Variants in KCNC1 observed in about 807,000 individuals in gnomAD.
KCNC1 encodes the protein potassium voltage-gated channel subfamily C member 1, also known as voltage-gated potassium channel KCNC1.
A neutral mutation model predicts 43.4 loss-of-function variants in KCNC1; 8 were observed. That is an observed-to-expected ratio of 0.18 (90% CI 0.11 to 0.33). KCNC1 has a LOEUF of 0.33. Among genes scored for constraint, KCNC1 ranks in the 10% least tolerant of loss-of-function variants. The pLI is 1.00. For missense variants in KCNC1, 420 were observed against 836.0 expected, an observed-to-expected ratio of 0.50 and a Z score of 6.14; for synonymous variants, 361 against 360.5, an observed-to-expected ratio of 1.00 and a Z score of -0.01.
intron 1 of KCNC1, among the ~76,000 whole-genome samples, chr11:17,768,615 G>GGT (rs1554991042): frequency 8.3e-6 from 1 of 119,818 alleles, no homozygotes; most frequent in African/African-American, 2.9e-5. Flanking sequence ...ATGTTGGTGG[G>GGT]GGGGGGGGCG....
In KCNC1 at chr11:17,777,008, C is replaced by G; in HGVS notation, c.1505-2448C>G. ...GAGAAGCAGTAGGCCCTAGGGGTGT[C>G]CCGGGAATCCCCCAGGAGGGAAAGG... On this transcript the variant is annotated intron_variant, in intron 2 of 3. Coordinates refer to ENST00000265969, the MANE Select transcript of KCNC1 (RefSeq NM_001112741.2). The surrounding 1 kb of genome is among the most constrained non-coding windows in gnomAD (Gnocchi z 4.3). 1.0e-6 allele frequency: 1 copy of G among 985,412 alleles called. No homozygotes were observed. The highest frequency in any genetic ancestry group is 1.2e-6 in the Non-Finnish European group (1 of 829,956). The allele number at this position is 985,412 out of a possible 1,614,324, so 61.0% of individuals were successfully genotyped here. A position where few individuals can be genotyped will look rare whatever the true frequency, so the allele number is the denominator to read the frequency against.
Position 17,776,260 on chromosome 11 carries a change from C to A in KCNC1, c.1505-3196C>A. ...TTTTGTTGCATGACTTGTGCCGGTT[C>A]TCGTGATTGTTCCCTGCTCGTGTCT... On this transcript the variant is annotated intron_variant, in intron 2 of 3. Coordinates refer to ENST00000265969, the MANE Select transcript of KCNC1 (RefSeq NM_001112741.2). The surrounding 1 kb of genome is among the most constrained non-coding windows in gnomAD (Gnocchi z 4.4). The A allele has an allele frequency of 6.1e-6, 6 of 985,398 alleles. No homozygotes were observed. Among genetic ancestry groups the A allele is most frequent in the Non-Finnish European group, 7.2e-6 (6 of 829,988 alleles). The allele number at this position is 985,398 out of a possible 1,614,324, so 61.0% of individuals were successfully genotyped here.
chr11:17,781,600 A>G lies in KCNC1; in HGVS notation c.1694-70A>G, dbSNP rs1849347434. 2.8e-6 allele frequency: 3 copies of G among 1,082,448 alleles called. No homozygotes were observed. The highest frequency in any genetic ancestry group is 2.8e-6 in the Non-Finnish European group (2 of 724,950). 67.1% of individuals were successfully genotyped at this position (1,082,448 alleles called of 1,614,324 possible). On this transcript the variant is annotated intron_variant, in intron 3 of 3. Transcript: ENST00000265969. The surrounding 1 kb of genome is among the most constrained non-coding windows in gnomAD (Gnocchi z 5.1). The stretch of plus-strand genomic sequence containing the variant: ...CTGTCTTTCCTCCTCCTTCTTAAAA[A>G]CTAAGTACCAAGCGGGATGGGAGAG...
chr11:17,740,218 C>T (rs1848822616), intron 1 of KCNC1, among the ~76,000 whole-genome samples: 1 of 152,132 alleles, frequency 6.6e-6, no homozygotes, highest in African/African-American at 2.4e-5. Context: ...TTCCTGTGCT[C>T]TGGGCATCAG....
rs538563396 is a variant in KCNC1, at chr11:17,739,035, C to T, written c.570+2463C>T. 1.9e-3 allele frequency among the ~76,000 whole-genome samples: 296 copies of T among 152,352 alleles called. 4 individuals are homozygous for T. Among genetic ancestry groups the T allele is most frequent in the African/African-American group, 5.7e-3 (235 of 41,586 alleles). On this transcript the variant is annotated intron_variant, in intron 1 of 3. Transcript: ENST00000265969. This position sits in a 1 kb window ranked among gnomAD's most constrained non-coding sequence, Gnocchi z 4.2. ...GAACCCCAGCTTCCTGCCGCCCGCC[C>T]GGCTGGCCTAGCTGCACTGCGCTGC...
At chr11:17,756,149 A>G (rs1021130770) in intron 1 of KCNC1, among the ~76,000 whole-genome samples, 45 of 151,988 alleles carry the variant, frequency 3.0e-4, no homozygotes, top group Non-Finnish European at 5.7e-4. Flanking sequence ...TGCACCTTGC[A>G]TTTCCCTAGT....
intron 1 of KCNC1, among the ~76,000 whole-genome samples, chr11:17,738,556 C>CAGTG (rs368192818): frequency 6.6e-5 from 10 of 152,202 alleles, no homozygotes; most frequent in African/African-American, 1.9e-4. Context: ...GGGCTCTGAT[C>CAGTG]AGTGTCCTGA....
rs1369129370 is a variant in KCNC1, at chr11:17,735,838, G to T, written c.-165G>T. ...GGCACCCGACAAAGCGCCCGGAGAGGCTTGGCTCGCTCGTTGGGGTGGCCA... is the reference window on the plus strand; with the variant it reads ...GGCACCCGACAAAGCGCCCGGAGAGTCTTGGCTCGCTCGTTGGGGTGGCCA... On this transcript the variant is annotated 5_prime_UTR_variant, in exon 1 of 4. Transcript: ENST00000265969. The surrounding 1 kb of genome is among the most constrained non-coding windows in gnomAD (Gnocchi z 6.7). 1 of 744,998 alleles carries T rather than the reference G, an allele frequency of 1.3e-6. No homozygotes were observed. Among genetic ancestry groups the T allele is most frequent in the Non-Finnish European group, 2.0e-6 (1 of 505,848 alleles). 46.1% of individuals were successfully genotyped at this position (744,998 alleles called of 1,614,324 possible).
rs1164747612 is a variant in KCNC1, at chr11:17,779,437, T to TC, written c.1505-18dup. On this transcript the variant is annotated intron_variant, in intron 2 of 3. Transcript: ENST00000265969. This position sits in a 1 kb window ranked among gnomAD's most constrained non-coding sequence, Gnocchi z 7.2. ...AACAGTTTTCAGTGTCTCAATAGCT[T>TC]CTGCTTATATGTTTGAAGATTCCAA... The TC allele has an allele frequency of 6.6e-7, 1 of 1,510,530 alleles. No homozygotes were observed. The highest frequency in any genetic ancestry group is 1.3e-5 in the South Asian group (1 of 78,580). 93.6% of individuals were successfully genotyped at this position (1,510,530 alleles called of 1,614,324 possible).
intron 1 of KCNC1, among the ~76,000 whole-genome samples, chr11:17,747,917 C>A (rs1452653920): frequency 1.3e-5 from 2 of 152,184 alleles, no homozygotes; most frequent in African/African-American, 2.4e-5. Context: ...GCTCACAACT[C>A]CTCTCCCCAC....
chr11:17,772,617 G>A lies in KCNC1; in HGVS notation c.1504+19G>A. 1 of 1,607,620 alleles carries A rather than the reference G, an allele frequency of 6.2e-7. No homozygotes were observed. The highest frequency in any genetic ancestry group is 8.5e-7 in the Non-Finnish European group (1 of 1,175,884). The stretch of plus-strand genomic sequence containing the variant: ...AGAGCAGGTAGGAAACCTCTTAGAG[G>A]CATGTCGATCTGACCTTTCACCTCT... On this transcript the variant is annotated intron_variant, in intron 2 of 3. Transcript: ENST00000265969.
rs1355017621 is a variant in KCNC1 at position 17,782,728 on chromosome 11, T to C, written c.*994T>C. On this transcript the variant is annotated 3_prime_UTR_variant, in exon 4 of 4. Coordinates refer to ENST00000265969, the MANE Select transcript of KCNC1 (RefSeq NM_001112741.2). ...CTAGCATGAAATAAATTTTGTATCA[T>C]GGTTTCTGTATAGTCTAAAGCAGAT... The C allele has an allele frequency of 6.6e-6, 1 of 152,238 alleles. No homozygotes were observed. The highest frequency in any genetic ancestry group is 1.5e-5 in the Non-Finnish European group (1 of 68,044). The allele number at this position is 152,238 out of a possible 1,614,324, so 9.4% of individuals were successfully genotyped here. A position where few individuals can be genotyped will look rare whatever the true frequency, so the allele number is the denominator to read the frequency against.
At position 17,739,129 on chromosome 11, in the gene KCNC1, C is replaced by G. The variant is rs995577483; in HGVS notation, c.570+2557C>G. On this transcript the variant is annotated intron_variant, in intron 1 of 3. Coordinates refer to ENST00000265969, the MANE Select transcript of KCNC1 (RefSeq NM_001112741.2). The surrounding 1 kb of genome is among the most constrained non-coding windows in gnomAD (Gnocchi z 4.2). ...CTCCTCCCCCTCTGTCTTTGCTCTG[C>G]CGCCTCTGCTGTCACCTTTGTTTAC... Among the ~76,000 whole-genome samples, 2 of 152,122 alleles carry G rather than the reference C, an allele frequency of 1.3e-5. No homozygotes were observed. The highest frequency in any genetic ancestry group is 4.8e-5 in the African/African-American group (2 of 41,428).
At chr11:17,737,853 G>A (rs1342362596) in intron 1 of KCNC1, among the ~76,000 whole-genome samples, 2 of 152,202 alleles carry the variant, frequency 1.3e-5, no homozygotes. Flanking sequence ...AGAGCCAGGG[G>A]TAGAGGGCTA....
At chr11:17,741,539 G>A (rs1364614559) in intron 1 of KCNC1, among the ~76,000 whole-genome samples, 1 of 151,998 alleles carries the variant, frequency 6.6e-6, no homozygotes, top group Non-Finnish European at 1.5e-5. Flanking sequence ...CTCCCCGGCA[G>A]CCCCCCAGCT....
rs1258999293 is a variant in KCNC1 at position 17,771,826 on chromosome 11, C to T, written c.732C>T (p.Phe244=). 1 of 1,614,236 alleles carries T rather than the reference C, an allele frequency of 6.2e-7. No individual in the cohort carries two copies. Among genetic ancestry groups the T allele is most frequent in the East Asian group, 2.2e-5 (1 of 44,880 alleles). Residue 244 remains phenylalanine, a synonymous_variant, in exon 2 of 4, where the codon TTC becomes TTT. Transcript: ENST00000265969. The surrounding 1 kb of genome is among the most constrained non-coding windows in gnomAD (Gnocchi z 4.7). Reference sequence around the variant, plus strand: ...ACCGGGAGGCCGAGACGGAGGCCTTCCTTACCTACATCGAGGGCGTCTGTG... The same window carrying T: ...ACCGGGAGGCCGAGACGGAGGCCTTTCTTACCTACATCGAGGGCGTCTGTG... The part of the protein sequence containing the change: ...RYYREAETEA[F]LTYIEGVCVV...
At chr11:17,751,868 A>G (rs1025524349) in intron 1 of KCNC1, among the ~76,000 whole-genome samples, 2 of 152,174 alleles carry the variant, frequency 1.3e-5, no homozygotes, top group Non-Finnish European at 2.9e-5. Context: ...GCTCCGGAGT[A>G]GGGAGGTCTC....
intron 1 of KCNC1, among the ~76,000 whole-genome samples, chr11:17,768,618 G>C (rs930842802): frequency 3.3e-5 from 5 of 151,868 alleles, no homozygotes; most frequent in African/African-American, 1.2e-4. Context: ...TTGGTGGGGG[G>C]GGGGGCGGTT....
intron 1 of KCNC1, among the ~76,000 whole-genome samples, chr11:17,756,095 G>C (rs1302932316): frequency 6.6e-6 from 1 of 152,136 alleles, no homozygotes; most frequent in Non-Finnish European, 1.5e-5. Context: ...GGAACATGAG[G>C]CCTGAGCAGC....
Sources: gnomAD v4.1 joint callset for allele counts (sites outside exome capture counted in the v4.1 genomes callset) on GRCh38, gnomAD v4.1.1 for gene constraint, Gnocchi (gnomAD v3.1) non-coding constraint, MANE v1.5 for transcripts, NCBI Gene and HGNC (gene_info 2026-07-23, HGNC 2026-07-21) for gene names.